INPP4B: variants seen among roughly 807,000 people sequenced by gnomAD.
INPP4B encodes the protein inositol polyphosphate 4-phosphatase type II.
Under a neutral mutation model 122.5 loss-of-function variants are expected in INPP4B, and 55 were observed. The observed-to-expected ratio is 0.45, with a 90% CI of 0.36 to 0.56. INPP4B has a LOEUF of 0.56. Among genes scored for constraint, INPP4B ranks in the 20% least tolerant of loss-of-function variants. The pLI, the probability that INPP4B is intolerant of heterozygous loss-of-function variation, is 0.00. For synonymous variants in INPP4B, 403 were observed against 388.7 expected (o/e 1.04, Z -0.43); for missense variants, 1,000 against 1,097.7 (o/e 0.91, Z 1.26).
At chr4:142,392,958 A>G (rs1235314786) in intron 7 of INPP4B, among the ~76,000 whole-genome samples, 2 of 152,202 alleles carry the variant, frequency 1.3e-5, no homozygotes, top group African/African-American at 4.8e-5. Context: ...GGATACTCCA[A>G]ACTTAGTATT....
intron 11 of INPP4B, among the ~76,000 whole-genome samples, chr4:142,238,495 CA>C (rs1857628562): frequency 6.6e-6 from 1 of 152,066 alleles, no homozygotes; most frequent in Admixed American, 6.6e-5. Flanking sequence ...TAGCAGGTCA[CA>C]AACTGATATG....
At chr4:142,596,079 G>T (rs1159477856) in intron 2 of INPP4B, among the ~76,000 whole-genome samples, 1 of 151,910 alleles carries the variant, frequency 6.6e-6, no homozygotes, top group Non-Finnish European at 1.5e-5. Flanking sequence ...CAATCTCCTG[G>T]CTTCAAATGC....
intron 7 of INPP4B, among the ~76,000 whole-genome samples, chr4:142,369,306 G>A (rs191154667): frequency 2.0e-5 from 3 of 152,166 alleles, no homozygotes; most frequent in East Asian, 3.9e-4. Flanking sequence ...TTCCTAGGCC[G>A]AGTGTGGTAA....
chr4:142,162,613 C>T (rs1820648823), intron 16 of INPP4B, among the ~76,000 whole-genome samples: 1 of 151,864 alleles, frequency 6.6e-6, no homozygotes, highest in Non-Finnish European at 1.5e-5. Context: ...TGCCATGTAG[C>T]TAAATATTCA....
chr4:142,415,530 T>C (rs927526514), intron 5 of INPP4B, among the ~76,000 whole-genome samples: 4 of 151,818 alleles, frequency 2.6e-5, no homozygotes, highest in Admixed American at 1.3e-4. Context: ...TGTGGAGAAA[T>C]AGGAACACTT....
intron 19 of INPP4B, among the ~76,000 whole-genome samples, chr4:142,123,846 C>T (rs1578989712): frequency 6.6e-6 from 1 of 152,140 alleles, no homozygotes. Flanking sequence ...ACCTGGTTAG[C>T]TTCATGTGCC....
intron 1 of INPP4B, among the ~76,000 whole-genome samples, chr4:142,786,438 A>G (rs1561068119): frequency 6.6e-6 from 1 of 152,174 alleles, no homozygotes; most frequent in Non-Finnish European, 1.5e-5. Context: ...TAAATGACTT[A>G]ATAAATTAAT....
chr4:142,189,979 A>G (rs984341342), intron 15 of INPP4B, among the ~76,000 whole-genome samples: 4 of 152,220 alleles, frequency 2.6e-5, no homozygotes, highest in African/African-American at 9.6e-5. Context: ...TACTATAAGC[A>G]ATGTTCTTAT....
chr4:142,187,560 CAT>C (rs202171721), intron 15 of INPP4B, among the ~76,000 whole-genome samples: 1 of 150,728 alleles, frequency 6.6e-6, no homozygotes, highest in East Asian at 1.9e-4. Flanking sequence ...ATTTGCATAC[CAT>C]ATATATATAC....
intron 7 of INPP4B, among the ~76,000 whole-genome samples, chr4:142,374,840 T>C (rs150603776): frequency 6.6e-6 from 1 of 151,966 alleles, no homozygotes; most frequent in East Asian, 1.9e-4. Context: ...TTTGGTAAAT[T>C]GATCCAAGGA....
Position 142,173,606 on chromosome 4 carries a change from A to G in INPP4B, c.1359+26T>C, listed in dbSNP as rs751082150. 3.1e-6 allele frequency: 5 copies of G among 1,593,572 alleles called. No individual in the cohort carries two copies. The African/African-American group carries it at 6.7e-5, about 22-fold the overall frequency. On this transcript the variant is annotated intron_variant, in intron 16 of 25. Transcript: ENST00000262992. ...GGGAATTTGAGTATTTCATTTTCCC[A>G]ACTATAGTGATGATTTGGATCTTAC...
intron 1 of INPP4B, among the ~76,000 whole-genome samples, chr4:142,836,330 A>G: frequency 6.6e-6 from 1 of 152,036 alleles, no homozygotes. Flanking sequence ...ATCCTATCAG[A>G]TATTAAGGAA....
At chr4:142,743,422 T>A (rs1228196743) in intron 1 of INPP4B, among the ~76,000 whole-genome samples, 1 of 151,944 alleles carries the variant, frequency 6.6e-6, no homozygotes, top group African/African-American at 2.4e-5. Context: ...TGAGCAGAAT[T>A]CCCTGTGAAT....
intron 10 of INPP4B, among the ~76,000 whole-genome samples, chr4:142,261,001 T>C (rs988189275): frequency 6.6e-6 from 1 of 152,232 alleles, no homozygotes; most frequent in Non-Finnish European, 1.5e-5. Context: ...CCACTAGTTA[T>C]ATAGGGCAAA....
At chr4:142,032,647 C>T (rs182462427) in intron 25 of INPP4B, among the ~76,000 whole-genome samples, 46 of 152,284 alleles carry the variant, frequency 3.0e-4, no homozygotes, top group South Asian at 6.2e-4. Context: ...GCACAGACTC[C>T]GGAGTCAGAC....
At chr4:142,259,126 T>A (rs1738184472) in intron 11 of INPP4B, among the ~76,000 whole-genome samples, 1 of 146,024 alleles carries the variant, frequency 6.8e-6, no homozygotes, top group African/African-American at 2.5e-5. Context: ...ACACCGCATA[T>A]TCTCACTCAT....
intron 3 of INPP4B, among the ~76,000 whole-genome samples, chr4:142,442,469 CTACTT>C (rs1298129743): frequency 6.8e-6 from 1 of 147,778 alleles, no homozygotes; most frequent in African/African-American, 2.5e-5. Flanking sequence ...ATAAATCTGA[CTACTT>C]TAAAATTAAA....
At chr4:142,709,134 T>C (rs1275690314) in intron 2 of INPP4B, among the ~76,000 whole-genome samples, 1 of 152,184 alleles carries the variant, frequency 6.6e-6, no homozygotes, top group East Asian at 1.9e-4. Flanking sequence ...TGTAGTGCCT[T>C]TGTTTTGGCT....
intron 7 of INPP4B, among the ~76,000 whole-genome samples, chr4:142,329,247 G>T (rs1318225678): frequency 4.6e-5 from 7 of 152,218 alleles, no homozygotes; most frequent in African/African-American, 1.7e-4. Flanking sequence ...CCCTGAGCAG[G>T]TAACTTTGAT....
Sources: allele counts gnomAD v4.1 joint callset (sites outside exome capture counted in the v4.1 genomes callset), GRCh38; gene constraint gnomAD v4.1.1; transcripts MANE v1.5; gene names NCBI Gene and HGNC (gene_info 2026-07-23, HGNC 2026-07-21).